Variants in TDRP observed in about 807,000 individuals in gnomAD.
The protein encoded by TDRP is testis development related protein.
Under a neutral mutation model 10.5 loss-of-function variants are expected in TDRP, and 12 were observed. That is an observed-to-expected ratio of 1.15 (90% CI 0.73 to 1.86). TDRP has a LOEUF of 1.86. Ranked by LOEUF, TDRP falls within the 40% of genes most tolerant of loss-of-function variation. The pLI, the probability that TDRP is intolerant of heterozygous loss-of-function variation, is 0.00. For missense variants in TDRP, 353 were observed against 229.2 expected (o/e 1.54, Z -3.49); for synonymous variants, 139 against 95.4 (o/e 1.46, Z -2.67).
chr8:527,612 G>T (rs2116843077), intron 1 of TDRP, among the ~76,000 whole-genome samples: 1 of 152,224 alleles, frequency 6.6e-6, no homozygotes. Flanking sequence ...TACATCTACA[G>T]TGAAGTCATT....
At chr8:498,838 G>C (rs1801207524) in intron 1 of TDRP, among the ~76,000 whole-genome samples, 1 of 152,126 alleles carries the variant, frequency 6.6e-6, no homozygotes, top group Non-Finnish European at 1.5e-5. Flanking sequence ...TTGTGATAGT[G>C]AGTTCTCACA....
intron 1 of TDRP, among the ~76,000 whole-genome samples, chr8:529,654 G>A (rs1802133033): frequency 6.6e-6 from 1 of 152,126 alleles, no homozygotes; most frequent in African/African-American, 2.4e-5. Context: ...GGCTGGCTGG[G>A]TGTATTTTTA....
chr8:532,522 T>C (rs1802231366), intron 1 of TDRP, among the ~76,000 whole-genome samples: 1 of 152,242 alleles, frequency 6.6e-6, no homozygotes, highest in Admixed American at 6.5e-5. Context: ...TTGAGTATCA[T>C]CTTGTTCATT....
intron 1 of TDRP, among the ~76,000 whole-genome samples, chr8:542,836 G>A (rs1487994016): frequency 2.6e-4 from 34 of 129,192 alleles, no homozygotes; most frequent in African/African-American, 6.6e-4. Context: ...CACCCTGGGC[G>A]ACAAGAGCGA....
chr8:522,203 A>T (rs980235109), intron 1 of TDRP, among the ~76,000 whole-genome samples: 3 of 152,178 alleles, frequency 2.0e-5, no homozygotes, highest in African/African-American at 7.2e-5. Context: ...CTAAACGTTT[A>T]TGTCACACAT....
chr8:538,455 A>G (rs780059421), intron 1 of TDRP, among the ~76,000 whole-genome samples: 2 of 152,194 alleles, frequency 1.3e-5, no homozygotes, highest in Non-Finnish European at 2.9e-5. Context: ...GCACCAACCC[A>G]TATCAAGAAT....
chr8:525,899 T>C (rs890260703), intron 1 of TDRP, among the ~76,000 whole-genome samples: 9 of 152,164 alleles, frequency 5.9e-5, no homozygotes, highest in Non-Finnish European at 1.3e-4. Flanking sequence ...CTTTAAATGT[T>C]AGGTGGAATT....
chr8:518,375 A>G (rs982868251), intron 1 of TDRP, among the ~76,000 whole-genome samples: 4 of 152,216 alleles, frequency 2.6e-5, no homozygotes, highest in Non-Finnish European at 5.9e-5. Context: ...GGTACACATA[A>G]GTCTAATAAA....
At chr8:531,882 T>G (rs1264503985) in intron 1 of TDRP, among the ~76,000 whole-genome samples, 1 of 152,180 alleles carries the variant, frequency 6.6e-6, no homozygotes, top group Non-Finnish European at 1.5e-5. Context: ...CCTAGTATTT[T>G]ATGGTTTAAG....
At chr8:495,211 G>T (rs1391763732) in intron 1 of TDRP, among the ~76,000 whole-genome samples, 1 of 152,142 alleles carries the variant, frequency 6.6e-6, no homozygotes, top group Non-Finnish European at 1.5e-5. Flanking sequence ...TCCAGGCTGG[G>T]CAACAGAGCA....
intron 1 of TDRP, among the ~76,000 whole-genome samples, chr8:539,358 C>T (rs185659708): frequency 6.6e-6 from 1 of 152,136 alleles, no homozygotes; most frequent in South Asian, 2.1e-4. Flanking sequence ...TCACCAAGAA[C>T]GAAGCACCCT....
At chr8:523,754 G>C (rs1018167155) in intron 1 of TDRP, among the ~76,000 whole-genome samples, 3 of 152,118 alleles carry the variant, frequency 2.0e-5, no homozygotes, top group South Asian at 2.1e-4. Context: ...TTTGTCTAGT[G>C]GCTGGAGTGC....
At chr8:499,260 G>T (rs17065051) in intron 1 of TDRP, among the ~76,000 whole-genome samples, 1 of 152,144 alleles carries the variant, frequency 6.6e-6, no homozygotes, top group South Asian at 2.1e-4. Flanking sequence ...TGGAGGCAGG[G>T]TCTCTCTGTT....
intron 1 of TDRP, among the ~76,000 whole-genome samples, chr8:501,671 T>C (rs943777637): frequency 3.3e-5 from 5 of 152,132 alleles, no homozygotes; most frequent in African/African-American, 9.7e-5. Context: ...GTTTTAAAGG[T>C]ATTTAAAGTC....
intron 2 of TDRP, among the ~76,000 whole-genome samples, chr8:493,972 ACAC>A (rs1801055116): frequency 6.7e-6 from 1 of 148,802 alleles, no homozygotes. Context: ...TTTTCATCGA[ACAC>A]CACAACTCAT....
chr8:503,569 C>G (rs1434802497), intron 1 of TDRP, among the ~76,000 whole-genome samples: 1 of 144,602 alleles, frequency 6.9e-6, no homozygotes, highest in Non-Finnish European at 1.5e-5. Flanking sequence ...TGCATCAACA[C>G]AGAATCCAAA....
rs1750083715 is a variant in TDRP, at chr8:539,234, G to C, written c.108+5416C>G. 2.6e-5 allele frequency among the ~76,000 whole-genome samples: 4 copies of C among 152,262 alleles called. No individual in the cohort carries two copies. In the South Asian group the frequency reaches 6.2e-4, roughly 24 times the overall value. ...GGGTGAGATGGGAGTCACGAGGGTG[G>C]GGCCGGCACGATGGGATGAGTGTCC... On this transcript the variant is annotated intron_variant, in intron 1 of 2. Coordinates refer to ENST00000324079, the MANE Select transcript of TDRP (RefSeq NM_001384899.1).
Position 502,403 on chromosome 8 carries a change from C to A in TDRP, c.109-7806G>T, listed in dbSNP as rs558358598. Reference sequence around the variant, plus strand: ...CCGTGTTCACCAAATTGCAGGGTGCCAGGCCAACGACCCTTCAGGGTGTGG... The same window carrying A: ...CCGTGTTCACCAAATTGCAGGGTGCAAGGCCAACGACCCTTCAGGGTGTGG... On this transcript the variant is annotated intron_variant, in intron 1 of 2. Transcript: ENST00000324079. Among the ~76,000 whole-genome samples, 244 of 152,342 alleles carry A rather than the reference C, an allele frequency of 1.6e-3. 1 individual carries two copies. Among genetic ancestry groups the A allele is most frequent in the African/African-American group, 5.5e-3 (228 of 41,578 alleles).
chr8:528,387 A>G (rs1239040117), intron 1 of TDRP, among the ~76,000 whole-genome samples: 3 of 150,802 alleles, frequency 2.0e-5, no homozygotes, highest in African/African-American at 7.3e-5. Flanking sequence ...CTACCATAGG[A>G]TCCAGCAATC....
Sources: allele counts gnomAD v4.1 joint callset (sites outside exome capture counted in the v4.1 genomes callset), GRCh38; gene constraint gnomAD v4.1.1; transcripts MANE v1.5; gene names NCBI Gene and HGNC (gene_info 2026-07-23, HGNC 2026-07-21).